The following PKP4 variants were observed in gnomAD, a reference collection of about 807,000 sequenced individuals.
The protein encoded by PKP4 is plakophilin 4, also known as plakophilin-4.
A neutral mutation model predicts 145.1 loss-of-function variants in PKP4; 90 were observed. The observed-to-expected ratio is 0.62, with a 90% CI of 0.52 to 0.74. PKP4 has a LOEUF of 0.74. Among genes scored for constraint, PKP4 ranks in the 30% least tolerant of loss-of-function variants. The probability of loss-of-function intolerance (pLI) is 0.00; values close to 1 mark genes in which losing one functional copy is unlikely to be tolerated. For missense variants in PKP4, 1,340 were observed against 1,482.7 expected (o/e 0.90, Z 1.58); for synonymous variants, 563 against 577.2 (o/e 0.98, Z 0.35).
At chr2:158,533,544 A>G (rs114317422) in intron 2 of PKP4, 5 of 617,848 alleles carry the variant, frequency 8.1e-6, no homozygotes, top group African/African-American at 5.5e-5. Context: ...AGTAAGGACA[A>G]TCTCGATGGT....
At chr2:158,596,917 G>A (rs139461613) in intron 3 of PKP4, among the ~76,000 whole-genome samples, 1 of 152,322 alleles carries the variant, frequency 6.6e-6, no homozygotes, top group African/African-American at 2.4e-5. Context: ...TCTCACTGGG[G>A]ACTTCATGTT....
intron 3 of PKP4, among the ~76,000 whole-genome samples, chr2:158,586,133 C>T (rs2048784230): frequency 6.6e-6 from 1 of 152,100 alleles, no homozygotes; most frequent in Admixed American, 6.5e-5. Context: ...AATAATATTC[C>T]ATCATGTAGA....
At chr2:158,605,153 C>T (rs1000609789) in intron 4 of PKP4, among the ~76,000 whole-genome samples, 5 of 152,186 alleles carry the variant, frequency 3.3e-5, no homozygotes, top group South Asian at 2.1e-4. Flanking sequence ...CTAGGTGATT[C>T]ACCACCTGAG....
At chr2:158,628,996 C>T (rs190601246) in intron 7 of PKP4, among the ~76,000 whole-genome samples, 4 of 152,256 alleles carry the variant, frequency 2.6e-5, no homozygotes, top group African/African-American at 9.6e-5. Flanking sequence ...TAGGTACATT[C>T]ACCTGTCTGC....
intron 2 of PKP4, chr2:158,548,836 G>A (rs758990345): frequency 5.9e-5 from 13 of 219,632 alleles, no homozygotes; most frequent in Non-Finnish European, 1.0e-4. Context: ...CCTGTCCTTC[G>A]AGTAGGGGTT....
At chr2:158,626,166 G>A (rs1303416997) in intron 7 of PKP4, among the ~76,000 whole-genome samples, 1 of 152,182 alleles carries the variant, frequency 6.6e-6, no homozygotes, top group Non-Finnish European at 1.5e-5. Context: ...TGAAATAAGT[G>A]AAAGCCTTTT....
Position 158,639,367 on chromosome 2 carries a change from C to T in PKP4, c.1563-1260C>T, listed in dbSNP as rs190485836. ...GCGTGCGTGTGTGTTTGCGTGTGTG[C>T]ACACAGGTGTGGGATGACATGCCCC... On this transcript the variant is annotated intron_variant, in intron 9 of 21. Coordinates refer to ENST00000389759, the MANE Select transcript of PKP4 (RefSeq NM_003628.6). Among the ~76,000 whole-genome samples the T allele has an allele frequency of 1.2e-3, 177 of 151,952 alleles. 3 individuals carry two copies. The highest frequency in any genetic ancestry group is 3.9e-4 in the East Asian group (2 of 5,150).
chr2:158,459,967 TA>T (rs1367964313), intron 1 of PKP4, among the ~76,000 whole-genome samples: 20 of 152,196 alleles, frequency 1.3e-4, no homozygotes, highest in Non-Finnish European at 1.9e-4. Context: ...ACCGAAATTG[TA>T]TTTTGACCAA....
chr2:158,615,848 T>C (rs1364638188), intron 4 of PKP4, among the ~76,000 whole-genome samples: 4 of 152,198 alleles, frequency 2.6e-5, no homozygotes, highest in African/African-American at 7.2e-5. Flanking sequence ...GAGGCCTTTT[T>C]ATACAACACT....
intron 1 of PKP4, among the ~76,000 whole-genome samples, chr2:158,511,818 T>C (rs1027349590): frequency 6.6e-5 from 10 of 152,022 alleles, no homozygotes; most frequent in Non-Finnish European, 1.2e-4. Context: ...ACACATGAAG[T>C]AGAAGCACAT....
intron 9 of PKP4, among the ~76,000 whole-genome samples, chr2:158,636,202 T>C (rs2053796089): frequency 6.6e-6 from 1 of 152,130 alleles, no homozygotes; most frequent in Non-Finnish European, 1.5e-5. Context: ...CTTTCTTGTC[T>C]TGCATTTCTG....
chr2:158,648,781 T>C (rs1050683246), intron 11 of PKP4, among the ~76,000 whole-genome samples: 1 of 152,090 alleles, frequency 6.6e-6, no homozygotes, highest in Non-Finnish European at 1.5e-5. Context: ...GGCAAATCAC[T>C]CGAGGTCAGG....
chr2:158,466,299 A>G (rs574022725), intron 1 of PKP4, among the ~76,000 whole-genome samples: 1 of 152,296 alleles, frequency 6.6e-6, no homozygotes, highest in South Asian at 2.1e-4. Context: ...CCCTGATACC[A>G]TTTATCCTGC....
At chr2:158,469,738 A>G (rs575247166) in intron 1 of PKP4, among the ~76,000 whole-genome samples, 14 of 152,344 alleles carry the variant, frequency 9.2e-5, no homozygotes, top group African/African-American at 3.1e-4. Flanking sequence ...AAATATAGCT[A>G]TACAGTAACA....
intron 1 of PKP4, among the ~76,000 whole-genome samples, chr2:158,496,907 A>G (rs1239490933): frequency 1.3e-5 from 2 of 152,112 alleles, no homozygotes; most frequent in Non-Finnish European, 2.9e-5. Context: ...GTAAAAAGAC[A>G]TTTAGGTTCC....
intron 19 of PKP4, among the ~76,000 whole-genome samples, chr2:158,674,983 T>C (rs2057881106): frequency 6.6e-6 from 1 of 152,240 alleles, no homozygotes; most frequent in Non-Finnish European, 1.5e-5. Context: ...GCTTGTTGTG[T>C]ATGGTATATA....
intron 3 of PKP4, chr2:158,588,773 TC>T (rs1273090832): frequency 6.6e-6 from 1 of 152,178 alleles, no homozygotes; most frequent in Non-Finnish European, 1.5e-5. Context: ...AATATTACTC[TC>T]AGTTTCTATT....
intron 1 of PKP4, among the ~76,000 whole-genome samples, chr2:158,505,222 A>G (rs1249385912): frequency 2.0e-5 from 3 of 152,220 alleles, no homozygotes; most frequent in African/African-American, 7.2e-5. Flanking sequence ...GAGTTCTGCC[A>G]TAGGCATGCT....
intron 1 of PKP4, among the ~76,000 whole-genome samples, chr2:158,459,093 A>T (rs1689363023): frequency 6.6e-6 from 1 of 152,202 alleles, no homozygotes; most frequent in Non-Finnish European, 1.5e-5. Context: ...AATTGAGCTT[A>T]GATTCTTTTT....
Sources: allele counts gnomAD v4.1 joint callset (sites outside exome capture counted in the v4.1 genomes callset), GRCh38; gene constraint gnomAD v4.1.1; transcripts MANE v1.5; gene names NCBI Gene and HGNC (gene_info 2026-07-23, HGNC 2026-07-21).